Variants in SNTG1 observed in about 807,000 individuals in gnomAD.
SNTG1 encodes the protein syntrophin gamma 1.
A neutral mutation model predicts 74.7 loss-of-function variants in SNTG1; 39 were observed. The ratio of observed to expected loss-of-function variants is 0.52; its 90% CI spans 0.40 to 0.68. SNTG1 has a LOEUF of 0.68. SNTG1 is among the 30% of genes least tolerant of loss of function. The pLI, the probability that SNTG1 is intolerant of heterozygous loss-of-function variation, is 0.00. For missense variants in SNTG1, 685 were observed against 609.5 expected (o/e 1.12, Z -1.30); for synonymous variants, 254 against 217.1 (o/e 1.17, Z -1.49).
In SNTG1 at chr8:50,538,073, T is replaced by A. The variant is rs193111090; in HGVS notation, c.680+1265T>A. Among the ~76,000 whole-genome samples, 423 of 152,314 alleles carry A rather than the reference T, an allele frequency of 2.8e-3. 3 individuals are homozygous for A. Among genetic ancestry groups the A allele is most frequent in the African/African-American group, 9.8e-3 (407 of 41,566 alleles). On this transcript the variant is annotated intron_variant, in intron 11 of 18. Coordinates refer to ENST00000642720, the MANE Select transcript of SNTG1 (RefSeq NM_018967.5). ...GTATTTTTGAGTATATCACTTTGCA[T>A]AGTTTTCTGACTGGTTGCTTGAGGT... is the stretch of plus-strand genomic sequence containing the variant.
In SNTG1 at chr8:50,414,546, T is replaced by G. The variant is rs2092990557; in HGVS notation, c.162+12202T>G. On this transcript the variant is annotated intron_variant, in intron 4 of 18. Transcript: ENST00000642720. ...TTGGGTCTCTGCTCGTACAGACTTCTTACCTGTGAATCTTTATACTTCGTC... is the reference window on the plus strand; with the variant it reads ...TTGGGTCTCTGCTCGTACAGACTTCGTACCTGTGAATCTTTATACTTCGTC... 5.9e-5 allele frequency among the ~76,000 whole-genome samples: 9 copies of G among 152,126 alleles called. No homozygotes were observed. In the South Asian group the frequency reaches 1.9e-3, roughly 32 times the overall value.
chr8:50,405,351 G>A (rs771141719), intron 4 of SNTG1, among the ~76,000 whole-genome samples: 7 of 152,072 alleles, frequency 4.6e-5, no homozygotes, highest in Non-Finnish European at 8.8e-5. Flanking sequence ...CCAAATAAGT[G>A]TGAGGTTGAA....
intron 5 of SNTG1, among the ~76,000 whole-genome samples, chr8:50,443,591 C>A (rs1328626992): frequency 1.3e-5 from 2 of 152,046 alleles, no homozygotes; most frequent in Non-Finnish European, 2.9e-5. Flanking sequence ...CTTTATTATC[C>A]AGTGGAGTAG....
intron 1 of SNTG1, among the ~76,000 whole-genome samples, chr8:50,084,180 G>C (rs773075885): frequency 6.6e-6 from 1 of 152,156 alleles, no homozygotes; most frequent in Non-Finnish European, 1.5e-5. Context: ...CTGTAAAACT[G>C]GCCAGGCGCA....
In SNTG1 at chr8:50,527,494, C is replaced by T. The variant is rs578096350; in HGVS notation, c.467-2683C>T. ...ATTTTTGTGCATCTTACATAAGAAT[C>T]AATTATGTGTGTGTGTATTTGATAT... On this transcript the variant is annotated intron_variant, in intron 9 of 18. Transcript: ENST00000642720. 1.2e-3 allele frequency among the ~76,000 whole-genome samples: 182 copies of T among 152,014 alleles called. No homozygotes were observed. In the Middle Eastern group the frequency reaches 0.014, roughly 11 times the overall value.
At chr8:50,310,341 T>C (rs78850938) in intron 2 of SNTG1, among the ~76,000 whole-genome samples, 10,564 of 152,276 alleles carry the variant, frequency 0.069, 412 homozygotes, top group African/African-American at 0.086. Context: ...GCATCCTGAA[T>C]GCAGTTCTAA....
intron 3 of SNTG1, among the ~76,000 whole-genome samples, chr8:50,397,726 C>A (rs191595550): frequency 2.6e-5 from 4 of 152,252 alleles, no homozygotes; most frequent in African/African-American, 9.6e-5. Context: ...ATAGCCATGT[C>A]ATTGTATACA....
At chr8:50,789,127 C>G (rs2095684142) in intron 18 of SNTG1, among the ~76,000 whole-genome samples, 1 of 151,756 alleles carries the variant, frequency 6.6e-6, no homozygotes, top group Non-Finnish European at 1.5e-5. Context: ...TGTAGTAACT[C>G]TAATACCTTC....
In SNTG1 at chr8:50,487,075, A is replaced by T. The variant is rs1003821143; in HGVS notation, c.364-15703A>T. Among the ~76,000 whole-genome samples the T allele has an allele frequency of 3.2e-4, 48 of 152,218 alleles. 1 individual carries two copies. The highest frequency in any genetic ancestry group is 1.3e-4 in the Non-Finnish European group (9 of 68,046). ...TGCCAGACATTTATGCAGCCAAAAA[A>T]CACATGAAAAAATGCTCATCATCAC... On this transcript the variant is annotated intron_variant, in intron 8 of 18. Coordinates refer to ENST00000642720, the MANE Select transcript of SNTG1 (RefSeq NM_018967.5).
chr8:50,115,520 A>G (rs1467512880), intron 1 of SNTG1, among the ~76,000 whole-genome samples: 1 of 139,718 alleles, frequency 7.2e-6, no homozygotes, highest in African/African-American at 2.6e-5. Context: ...ATGAGCCAAG[A>G]TCTTGCCATT....
At position 50,116,213 on chromosome 8, in the gene SNTG1, G is replaced by A. The variant is rs542824545; in HGVS notation, c.-102-56348G>A. ...ATTAAGTGGTCAAATTTAGGGTGTC[G>A]GATTCCAGACCCCATGCCCTGAAAC... On this transcript the variant is annotated intron_variant, in intron 1 of 18. Coordinates refer to ENST00000642720, the MANE Select transcript of SNTG1 (RefSeq NM_018967.5). Among the ~76,000 whole-genome samples, 96 of 152,094 alleles carry A rather than the reference G, an allele frequency of 6.3e-4. 2 individuals are homozygous for A. The highest frequency in any genetic ancestry group is 2.3e-3 in the South Asian group (11 of 4,800).
At chr8:50,264,688 TA>T (rs1198251226) in intron 2 of SNTG1, among the ~76,000 whole-genome samples, 6 of 149,996 alleles carry the variant, frequency 4.0e-5, no homozygotes, top group East Asian at 2.0e-4. Flanking sequence ...GAAAAATAAT[TA>T]AAAAAAATTA....
intron 13 of SNTG1, among the ~76,000 whole-genome samples, chr8:50,629,506 C>T (rs1221893535): frequency 6.6e-6 from 1 of 151,692 alleles, no homozygotes; most frequent in East Asian, 1.9e-4. Flanking sequence ...CCTTACTGTC[C>T]ATACTCAGTT....
intron 2 of SNTG1, among the ~76,000 whole-genome samples, chr8:50,323,546 G>T (rs749644643): frequency 6.6e-6 from 1 of 152,144 alleles, no homozygotes; most frequent in Non-Finnish European, 1.5e-5. Flanking sequence ...GACTCATAGA[G>T]GTACTATGTT....
intron 1 of SNTG1, among the ~76,000 whole-genome samples, chr8:49,923,617 G>T (rs1006354502): frequency 6.6e-6 from 1 of 151,944 alleles, no homozygotes; most frequent in Non-Finnish European, 1.5e-5. Context: ...TTAAATACAT[G>T]AAAGTTTTGA....
At chr8:50,505,967 G>T (rs543688395) in intron 9 of SNTG1, among the ~76,000 whole-genome samples, 1 of 151,978 alleles carries the variant, frequency 6.6e-6, no homozygotes, top group South Asian at 2.1e-4. Context: ...TTTCTGCTAG[G>T]ATTTTTTACA....
At chr8:50,643,313 G>A (rs537788395) in intron 13 of SNTG1, among the ~76,000 whole-genome samples, 3 of 152,288 alleles carry the variant, frequency 2.0e-5, no homozygotes, top group African/African-American at 7.2e-5. Context: ...GTCCCAAACT[G>A]CTTAATTTCA....
At chr8:50,392,536 G>T (rs888803422) in intron 2 of SNTG1, among the ~76,000 whole-genome samples, 3 of 152,142 alleles carry the variant, frequency 2.0e-5, no homozygotes, top group African/African-American at 7.2e-5. Flanking sequence ...CTTTCAGTTT[G>T]GTGATGTGAA....
chr8:50,498,230 T>A (rs2093920955), intron 8 of SNTG1, among the ~76,000 whole-genome samples: 1 of 151,930 alleles, frequency 6.6e-6, no homozygotes, highest in Admixed American at 6.6e-5. Flanking sequence ...TAATTCTTAG[T>A]CTCTAAGCAT....
Sources: allele counts gnomAD v4.1 joint callset (sites outside exome capture counted in the v4.1 genomes callset), GRCh38; gene constraint gnomAD v4.1.1; transcripts MANE v1.5; gene names NCBI Gene and HGNC (gene_info 2026-07-23, HGNC 2026-07-21).